The following FAM153A variants were observed in gnomAD, a reference collection of about 807,000 sequenced individuals.
FAM153A encodes protein FAM153A.
FAM153A carries 12 observed loss-of-function variants against 48.1 expected under a neutral mutation model. The observed-to-expected ratio is 0.25, with a 90% CI of 0.16 to 0.40. FAM153A has a LOEUF of 0.40. Among genes scored for constraint, FAM153A ranks in the 10% least tolerant of loss-of-function variants. The pLI, the probability that FAM153A is intolerant of heterozygous loss-of-function variation, is 1.00. For missense variants in FAM153A, 111 were observed against 345.8 expected (o/e 0.32, Z 5.38); for synonymous variants, 36 against 118.2 (o/e 0.30, Z 4.51).
At chr5:177,700,492 T>C in the FAM153A span, among the ~76,000 whole-genome samples, 1 of 151,866 alleles carries the variant, frequency 6.6e-6, no homozygotes, top group South Asian at 2.1e-4. Flanking sequence ...GGTTTCAGGA[T>C]ACAGGACCAA....
chr5:177,715,216 T>A (rs1490256414), intron 25 of FAM153A, among the ~76,000 whole-genome samples: 1 of 151,840 alleles, frequency 6.6e-6, no homozygotes, highest in Non-Finnish European at 1.5e-5. Context: ...ACTCCTGACC[T>A]TGTGATCCGT....
At chr5:177,766,117 A>C (rs1768735719) in intron 1 of FAM153A, among the ~76,000 whole-genome samples, 1 of 106,960 alleles carries the variant, frequency 9.3e-6, no homozygotes, top group Admixed American at 9.9e-5. Context: ...ACTGTCTCAA[A>C]AAAACAAAAT....
At chr5:177,705,142 A>G (rs1488988180), downstream of FAM153A, among the ~76,000 whole-genome samples, 4 of 149,454 alleles carry the variant, frequency 2.7e-5, no homozygotes, top group African/African-American at 1.0e-4. Context: ...TGTCTCTACT[A>G]AAAATACAAA....
downstream of FAM153A, among the ~76,000 whole-genome samples, chr5:177,709,025 G>A (rs894383228): frequency 2.8e-5 from 4 of 144,734 alleles, no homozygotes; most frequent in African/African-American, 7.9e-5. Context: ...AACCCGGGGG[G>A]CAGAGGTTGC....
the FAM153A span, among the ~76,000 whole-genome samples, chr5:177,701,355 T>G: frequency 4.6e-5 from 7 of 151,874 alleles, no homozygotes; most frequent in East Asian, 7.7e-4. Context: ...CTTGAGGCTA[T>G]GAGTAAATGA....
At chr5:177,700,149 C>T in the FAM153A span, among the ~76,000 whole-genome samples, 67 of 151,902 alleles carry the variant, frequency 4.4e-4, no homozygotes, top group South Asian at 0.014. Context: ...TGATAAAATT[C>T]AAAATAAAAA....
At chr5:177,714,238 T>C (rs1759126198) in intron 25 of FAM153A, 1 of 151,096 alleles carries the variant, frequency 6.6e-6, no homozygotes, top group East Asian at 2.0e-4. Flanking sequence ...GCACAACTTA[T>C]GTTCATATCA....
chr5:177,695,774 G>A, the FAM153A span, among the ~76,000 whole-genome samples: 40,321 of 151,184 alleles, frequency 0.27, 6,029 homozygotes, highest in South Asian at 0.38. Flanking sequence ...CTGTCTCTTC[G>A]GGGCTGTTGG....
chr5:177,713,417 A>ATTTT (rs1033701174), intron 26 of FAM153A, among the ~76,000 whole-genome samples: 16 of 143,184 alleles, frequency 1.1e-4, no homozygotes, highest in African/African-American at 4.1e-4. Flanking sequence ...TGCCCAGCTA[A>ATTTT]TTTTTTTTTT....
At position 177,734,362 on chromosome 5, in the gene FAM153A, G is replaced by A; in HGVS notation, c.760+18C>T. ...TCTGGATTACTCATCAGTATGAGAG[G>A]GGTTCCCCAATACGTACCACGTTGT... On this transcript the variant is annotated intron_variant, in intron 14 of 20. Transcript: ENST00000614127. 2.6e-6 allele frequency: 3 copies of A among 1,158,564 alleles called. 1 individual carries two copies. The Admixed American group carries it at 8.0e-5, about 31-fold the overall frequency. The allele number at this position is 1,158,564 out of a possible 1,614,324, so 71.8% of individuals were successfully genotyped here. A position where few individuals can be genotyped will look rare whatever the true frequency, so the allele number is the denominator to read the frequency against.
chr5:177,706,297 C>T (rs1184980345), downstream of FAM153A, among the ~76,000 whole-genome samples: 4 of 151,564 alleles, frequency 2.6e-5, no homozygotes, highest in Admixed American at 6.6e-5. Flanking sequence ...CCCAGGTCCA[C>T]GCCATTCTCC....
At chr5:177,706,401 G>T (rs1380832768), downstream of FAM153A, among the ~76,000 whole-genome samples, 14 of 151,052 alleles carry the variant, frequency 9.3e-5, no homozygotes, top group East Asian at 1.8e-3. Flanking sequence ...GGGTTTCACC[G>T]TGTTAGCCAG....
In FAM153A at chr5:177,729,284, G is replaced by T. The variant is rs1426372848; in HGVS notation, c.933+201C>A. On this transcript the variant is annotated intron_variant, in intron 17 of 20. Transcript: ENST00000614127. The stretch of plus-strand genomic sequence containing the variant: ...AGAAGGAATTTCTCTTAAGGAAAAT[G>T]CCTGTTGACACACAGTTTGTAAGTG... Among the ~76,000 whole-genome samples the T allele has an allele frequency of 2.5e-5, 3 of 120,576 alleles. 1 individual carries two copies. In the Admixed American group the frequency reaches 2.6e-4, roughly 11 times the overall value. The allele number at this position is 120,576 out of a possible 152,430, so 79.1% of individuals were successfully genotyped here.
intron 1 of FAM153A, among the ~76,000 whole-genome samples, chr5:177,752,748 T>C (rs1254940004): frequency 1.5e-5 from 2 of 131,154 alleles, no homozygotes. Context: ...GCCAACATGG[T>C]AAAACCCTGT....
chr5:177,701,444 A>G, the FAM153A span, among the ~76,000 whole-genome samples: 3 of 151,686 alleles, frequency 2.0e-5, no homozygotes, highest in Non-Finnish European at 4.4e-5. Context: ...GCACACCTAT[A>G]ATCCCAGCTA....
the FAM153A span, among the ~76,000 whole-genome samples, chr5:177,701,343 C>T: frequency 6.6e-6 from 1 of 151,778 alleles, no homozygotes; most frequent in Non-Finnish European, 1.5e-5. Context: ...ACAGGTGGAT[C>T]ACTTGAGGCT....
downstream of FAM153A, among the ~76,000 whole-genome samples, chr5:177,721,680 A>C (rs1582221476): frequency 3.0e-5 from 1 of 32,890 alleles, no homozygotes; most frequent in Non-Finnish European, 7.1e-5. Flanking sequence ...TACCATGCCC[A>C]GCTAATTAAA....
downstream of FAM153A, among the ~76,000 whole-genome samples, chr5:177,706,390 A>G (rs1389310447): frequency 4.6e-5 from 7 of 151,248 alleles, no homozygotes; most frequent in East Asian, 2.0e-4. Flanking sequence ...TAGTAGAGGC[A>G]GGGTTTCACC....
downstream of FAM153A, among the ~76,000 whole-genome samples, chr5:177,709,257 CTTTTT>C (rs59687881): frequency 0.015 from 1,756 of 116,356 alleles, 71 homozygotes; most frequent in African/African-American, 0.056. Flanking sequence ...AAAAAGGAAT[CTTTTT>C]TTTTTTTTTT....
Sources: gnomAD v4.1 joint callset for allele counts (sites outside exome capture counted in the v4.1 genomes callset) on GRCh38, gnomAD v4.1.1 for gene constraint, MANE v1.5 for transcripts, NCBI Gene and HGNC (gene_info 2026-07-23, HGNC 2026-07-21) for gene names.